The following NCOR2 variants were observed in gnomAD, a reference collection of about 807,000 sequenced individuals.
The protein encoded by NCOR2 is CTG repeat protein 26.
Under a neutral mutation model 262.9 loss-of-function variants are expected in NCOR2, and 81 were observed. That is an observed-to-expected ratio of 0.31 (90% CI 0.26 to 0.37). The LOEUF (loss-of-function observed/expected upper bound fraction) is 0.37. Among genes scored for constraint, NCOR2 ranks in the 10% least tolerant of loss-of-function variants. The pLI is 1.00. For synonymous variants in NCOR2, 1,659 were observed against 1,559.3 expected, an observed-to-expected ratio of 1.06 and a Z score of -1.51; for missense variants, 3,385 against 3,621.4, an observed-to-expected ratio of 0.93 and a Z score of 1.68.
chr12:124,494,246 C>G (rs962502471), intron 1 of NCOR2, among the ~76,000 whole-genome samples: 4 of 152,296 alleles, frequency 2.6e-5, no homozygotes, highest in Admixed American at 6.5e-5. Flanking sequence ...CACACACGCA[C>G]CCCCACGGTG....
Position 124,378,278 on chromosome 12 carries a change from C to T in NCOR2, c.2126G>A (p.Gly709Asp). 6.2e-7 allele frequency: 1 copy of T among 1,614,028 alleles called. No homozygotes were observed. Reference sequence around the variant, plus strand: ...CATCTCCTCCTCATTTCCGCTCACGCCCGACGCCTCCATCTCCTCATCCTC... The same window carrying T: ...CATCTCCTCCTCATTTCCGCTCACGTCCGACGCCTCCATCTCCTCATCCTC... Residue 709 changes from glycine (G) to aspartate (D), a missense_variant, in exon 18 of 47, where the codon GGC (glycine) becomes GAC (aspartate). By Grantham distance (94) the Gly-to-Asp change is moderately conservative. Transcript: ENST00000405201. The surrounding 1 kb of genome is among the most constrained non-coding windows in gnomAD (Gnocchi z 4.2).
chr12:124,355,943 C>T (rs183227945), intron 23 of NCOR2, among the ~76,000 whole-genome samples: 24 of 152,314 alleles, frequency 1.6e-4, no homozygotes, highest in Admixed American at 5.2e-4. Context: ...TGTGTGCCCT[C>T]GATGGCTCCC....
chr12:124,387,974 C>T (rs2040942603), intron 16 of NCOR2, among the ~76,000 whole-genome samples: 1 of 151,318 alleles, frequency 6.6e-6, no homozygotes, highest in Admixed American at 6.6e-5. Flanking sequence ...TTTCCAAACT[C>T]AGTCAATAAA....
intron 3 of NCOR2, among the ~76,000 whole-genome samples, chr12:124,479,501 G>A (rs1039613401): frequency 4.7e-5 from 7 of 148,958 alleles, no homozygotes; most frequent in African/African-American, 7.5e-5. Flanking sequence ...GCACATGCGC[G>A]CATACACACG....
chr12:124,396,966 C>T (rs1407283825), intron 16 of NCOR2, among the ~76,000 whole-genome samples: 1 of 152,238 alleles, frequency 6.6e-6, no homozygotes, highest in African/African-American at 2.4e-5. Flanking sequence ...GCCTCGACTC[C>T]AGCAGGGCCA....
At chr12:124,522,201 A>G (rs1390474511) in intron 1 of NCOR2, among the ~76,000 whole-genome samples, 1 of 152,254 alleles carries the variant, frequency 6.6e-6, no homozygotes, top group African/African-American at 2.4e-5. Flanking sequence ...AGCACTGGAA[A>G]TATGGCAGTG....
rs145539688 is a variant in NCOR2 at position 124,481,781 on chromosome 12, G to A, written c.411+1815C>T. On this transcript the variant is annotated intron_variant, in intron 3 of 46. Transcript: ENST00000405201. The surrounding 1 kb of genome is among the most constrained non-coding windows in gnomAD (Gnocchi z 4.6). ...GAGCCATGGATGGTTTGGAGCACAG[G>A]GGGGAACACACAGGGGGATGCAGTC... 9.2e-5 allele frequency among the ~76,000 whole-genome samples: 14 copies of A among 152,248 alleles called. No homozygotes were observed. Among genetic ancestry groups the A allele is most frequent in the Non-Finnish European group, 1.8e-4 (12 of 68,002 alleles).
At chr12:124,510,861 G>A (rs1245935249) in intron 1 of NCOR2, among the ~76,000 whole-genome samples, 1 of 152,120 alleles carries the variant, frequency 6.6e-6, no homozygotes, top group Non-Finnish European at 1.5e-5. Context: ...GGAGACGAAA[G>A]GCCACATCCT....
exon 36 of NCOR2, chr12:124,340,344 G>A (rs772637284): frequency 6.2e-7 from 1 of 1,612,922 alleles, no homozygotes; most frequent in Non-Finnish European, 8.5e-7. Context: ...CGTGAGGATG[G>A]ACTTTTCCCG....
intron 8 of NCOR2, among the ~76,000 whole-genome samples, 195 bp from the exon 11 acceptor site, chr12:124,430,982 A>G (rs1361968695): frequency 6.6e-6 from 1 of 152,052 alleles, no homozygotes; most frequent in Non-Finnish European, 1.5e-5. Context: ...TCAGATACAC[A>G]CAGGCACACA....
chr12:124,375,922 G>A (rs988273812), intron 18 of NCOR2, among the ~76,000 whole-genome samples: 3 of 152,144 alleles, frequency 2.0e-5, no homozygotes, highest in African/African-American at 4.8e-5. Context: ...CTGGGTCTCC[G>A]GGGAGATTCA....
At chr12:124,342,004 G>A (rs1214235085) in exon 34 of NCOR2, 3 of 1,613,318 alleles carry the variant, frequency 1.9e-6, no homozygotes, top group Non-Finnish European at 2.5e-6. Flanking sequence ...AGCCGCGGAT[G>A]AGGTAGGGTG....
chr12:124,421,351 C>T (rs1356849518), intron 12 of NCOR2, among the ~76,000 whole-genome samples: 1 of 152,354 alleles, frequency 6.6e-6, no homozygotes, highest in African/African-American at 2.4e-5. Flanking sequence ...GAGGACTGCT[C>T]GATGGCCAGT....
intron 1 of NCOR2, among the ~76,000 whole-genome samples, chr12:124,491,838 T>C (rs1481153280): frequency 7.2e-5 from 11 of 152,116 alleles, no homozygotes; most frequent in Admixed American, 4.6e-4. Flanking sequence ...GGGAGAGTCA[T>C]AGGATCCTGC....
chr12:124,477,400 T>A (rs2047161041), intron 3 of NCOR2, among the ~76,000 whole-genome samples: 1 of 152,226 alleles, frequency 6.6e-6, no homozygotes, highest in Admixed American at 6.5e-5. Flanking sequence ...TGCAGAACTG[T>A]GAGTCAACTA....
At chr12:124,519,500 G>A (rs531074896) in intron 1 of NCOR2, among the ~76,000 whole-genome samples, 1 of 152,314 alleles carries the variant, frequency 6.6e-6, no homozygotes, top group African/African-American at 2.4e-5. Flanking sequence ...AGGTCTGGAG[G>A]CTGGACCACG....
intron 42 of NCOR2, among the ~76,000 whole-genome samples, chr12:124,332,767 T>C (rs527467460): frequency 1.3e-5 from 2 of 152,308 alleles, no homozygotes; most frequent in African/African-American, 4.8e-5. Context: ...GTTCCGATCA[T>C]GCCCTTCCCC....
In NCOR2 at chr12:124,364,949, G is replaced by A. The variant is rs539082075; in HGVS notation, c.2808-1150C>T. Among the ~76,000 whole-genome samples the A allele has an allele frequency of 2.7e-4, 40 of 150,314 alleles. 1 individual carries two copies. The highest frequency in any genetic ancestry group is 2.1e-4 in the South Asian group (1 of 4,710). On this transcript the variant is annotated intron_variant, in intron 20 of 46. Coordinates refer to ENST00000405201, the Ensembl canonical transcript of NCOR2. ...GGGGTATTTGGAGGCAGCCTGGACCGTGTTTGCGGGTATGGAGGTGGCCCG... is the reference window on the plus strand; with the variant it reads ...GGGGTATTTGGAGGCAGCCTGGACCATGTTTGCGGGTATGGAGGTGGCCCG...
At chr12:124,527,750 G>C (rs180872683) in intron 1 of NCOR2, among the ~76,000 whole-genome samples, 8 of 152,324 alleles carry the variant, frequency 5.3e-5, no homozygotes, top group Admixed American at 5.2e-4. Flanking sequence ...CATGTGAAGT[G>C]TGACACAAGG....
Sources: gnomAD v4.1 joint callset for allele counts (sites outside exome capture counted in the v4.1 genomes callset) on GRCh38, gnomAD v4.1.1 for gene constraint, Gnocchi (gnomAD v3.1) non-coding constraint, MANE v1.5 for transcripts, NCBI Gene and HGNC (gene_info 2026-07-23, HGNC 2026-07-21) for gene names.